ITGB8: variants seen among roughly 807,000 people sequenced by gnomAD.
ITGB8 encodes integrin beta-8.
Under a neutral mutation model 89.5 loss-of-function variants are expected in ITGB8, and 30 were observed. That is an observed-to-expected ratio of 0.34 (90% CI 0.25 to 0.45). The LOEUF (loss-of-function observed/expected upper bound fraction) is 0.45. Ranked by LOEUF, ITGB8 falls within the 20% of genes least tolerant of loss-of-function variation. ITGB8 has a pLI of 1.00. For missense variants in ITGB8, 836 were observed against 933.3 expected, an observed-to-expected ratio of 0.90 and a Z score of 1.36; for synonymous variants, 335 against 320.4, an observed-to-expected ratio of 1.05 and a Z score of -0.49.
In ITGB8 at chr7:20,331,938, GTTGTT is replaced by G. The variant is rs577437870; in HGVS notation, c.127+23_127+27del. On this transcript the variant is annotated splice_donor_region_variant and intron_variant, in intron 1 of 13. Coordinates refer to ENST00000222573, the MANE Select transcript of ITGB8 (RefSeq NM_002214.3). The stretch of plus-strand genomic sequence containing the variant: ...TTCTTGGACTGGGCCAAGGTGGTAA[GTTGTT>G]TTGTTTTGTTTTGTTTTCTTCTCTT... 37 of 1,613,896 alleles carry G rather than the reference GTTGTT, an allele frequency of 2.3e-5. No individual in the cohort carries two copies. The highest frequency in any genetic ancestry group is 8.8e-5 in the South Asian group (8 of 91,068).
chr7:20,396,754 T>A (rs2127978139), intron 8 of ITGB8, among the ~76,000 whole-genome samples: 1 of 152,274 alleles, frequency 6.6e-6, no homozygotes, highest in South Asian at 2.1e-4. Flanking sequence ...CATTTATTAC[T>A]CCAAAAAAAG....
intron 8 of ITGB8, among the ~76,000 whole-genome samples, chr7:20,396,116 A>T (rs1049355249): frequency 2.6e-5 from 4 of 152,158 alleles, no homozygotes; most frequent in Admixed American, 1.3e-4. Flanking sequence ...CACAAAAGAG[A>T]AAGGCAGGAA....
intron 8 of ITGB8, among the ~76,000 whole-genome samples, chr7:20,396,630 GAA>G (rs572108523): frequency 2.4e-4 from 37 of 152,272 alleles, no homozygotes; most frequent in South Asian, 1.2e-3. Context: ...ACTTATCACA[GAA>G]AATCAAATGT....
chr7:20,408,223 T>C (rs1787623281), intron 12 of ITGB8, among the ~76,000 whole-genome samples: 2 of 152,152 alleles, frequency 1.3e-5, no homozygotes, highest in Non-Finnish European at 2.9e-5. Flanking sequence ...GAAGTCACTG[T>C]GGAGGCCTCA....
At chr7:20,369,405 A>G (rs1321746819) in intron 3 of ITGB8, among the ~76,000 whole-genome samples, 1 of 152,130 alleles carries the variant, frequency 6.6e-6, no homozygotes, top group Non-Finnish European at 1.5e-5. Context: ...CTGGCTTGCT[A>G]CGTCCACACA....
At chr7:20,334,283 C>G (rs1784505933) in intron 1 of ITGB8, among the ~76,000 whole-genome samples, 1 of 151,938 alleles carries the variant, frequency 6.6e-6, no homozygotes, top group Non-Finnish European at 1.5e-5. Context: ...AATAAATAAC[C>G]AGAAAAACAT....
At chr7:20,391,287 A>T in intron 6 of ITGB8, 116 bp from the exon 7 acceptor site, 1 of 467,728 alleles carries the variant, frequency 2.1e-6, no homozygotes, top group Admixed American at 3.9e-5. Flanking sequence ...CAGTAAAACC[A>T]TAGTCCTTCC....
At position 20,404,807 on chromosome 7, in the gene ITGB8, T is replaced by C. The variant is rs1787467216; in HGVS notation, c.1867T>C (p.Phe623Leu). Residue 623 changes from phenylalanine to leucine, a missense_variant, in exon 11 of 14, where the codon TTC becomes CTC. Around this residue, in one of 5 missense-constraint regions of ITGB8, gnomAD observed 422 missense variants for 416.9 expected, o/e 1.01. Transcript: ENST00000222573. ...ECTDPRSIGR[F>L]CEHCPTCYTA... ...CACCGATCCCAGGAGCATCGGCCGC[T>C]TCTGTGAACACTGCCCCACCTGTTA... 2.5e-6 allele frequency: 4 copies of C among 1,614,198 alleles called. No individual in the cohort carries two copies. In the East Asian group the frequency reaches 8.9e-5, roughly 36 times the overall value.
At chr7:20,388,029 CT>C (rs1786699312) in intron 6 of ITGB8, among the ~76,000 whole-genome samples, 1 of 152,120 alleles carries the variant, frequency 6.6e-6, no homozygotes, top group African/African-American at 2.4e-5. Context: ...ATGGATCTCA[CT>C]TGTATAAAGA....
intron 10 of ITGB8, among the ~76,000 whole-genome samples, chr7:20,402,443 A>G (rs1013741682): frequency 3.3e-5 from 5 of 152,238 alleles, no homozygotes; most frequent in Admixed American, 2.6e-4. Flanking sequence ...CACATTTTCC[A>G]GAAGAATCAG....
intron 8 of ITGB8, among the ~76,000 whole-genome samples, chr7:20,396,710 G>A (rs1365616850): frequency 1.3e-5 from 2 of 152,168 alleles, no homozygotes; most frequent in Non-Finnish European, 2.9e-5. Context: ...AGCTTATGCT[G>A]TAAGAAACCA....
intron 1 of ITGB8, among the ~76,000 whole-genome samples, chr7:20,340,960 G>T (rs1000802546): frequency 6.6e-6 from 1 of 152,198 alleles, no homozygotes; most frequent in African/African-American, 2.4e-5. Context: ...CTGGAGAGGT[G>T]CAAAGAGGCC....
intron 3 of ITGB8, among the ~76,000 whole-genome samples, chr7:20,375,300 T>C (rs1487672293): frequency 2.0e-5 from 3 of 152,114 alleles, no homozygotes; most frequent in Non-Finnish European, 2.9e-5. Flanking sequence ...GTGGTAAGAA[T>C]TGATTGTTTA....
intron 6 of ITGB8, among the ~76,000 whole-genome samples, chr7:20,390,927 C>A (rs1786828893): frequency 6.6e-6 from 1 of 151,678 alleles, no homozygotes. Context: ...TGTTATATAT[C>A]AAATGTGTAT....
chr7:20,372,292 A>T (rs1377572410), intron 3 of ITGB8, among the ~76,000 whole-genome samples: 1 of 152,162 alleles, frequency 6.6e-6, no homozygotes, highest in African/African-American at 2.4e-5. Flanking sequence ...TCCTTCTGAG[A>T]CTATAAATGA....
chr7:20,352,812 C>G (rs138984064), intron 1 of ITGB8: 1 of 152,190 alleles, frequency 6.6e-6, no homozygotes, highest in Non-Finnish European at 1.5e-5. Flanking sequence ...TCAGTTTACA[C>G]GTCTTGCACC....
chr7:20,394,351 G>T (rs1204856323), intron 7 of ITGB8, among the ~76,000 whole-genome samples: 1 of 152,160 alleles, frequency 6.6e-6, no homozygotes, highest in Non-Finnish European at 1.5e-5. Context: ...ATAATAAGCA[G>T]CATGCATCAA....
At chr7:20,347,396 A>G (rs1784963653) in intron 1 of ITGB8, among the ~76,000 whole-genome samples, 1 of 152,186 alleles carries the variant, frequency 6.6e-6, no homozygotes, top group African/African-American at 2.4e-5. Flanking sequence ...TGTTTGTAAG[A>G]GATTCTGAGA....
At chr7:20,361,088 A>G (rs1252732073) in intron 1 of ITGB8, among the ~76,000 whole-genome samples, 1 of 151,260 alleles carries the variant, frequency 6.6e-6, no homozygotes, top group East Asian at 1.9e-4. Context: ...TTTGATTTGC[A>G]TTTCTCTAAT....
Sources: gnomAD v4.1 joint callset for allele counts (sites outside exome capture counted in the v4.1 genomes callset) on GRCh38, gnomAD v4.1.1 for gene constraint, gnomAD v4.1.1 regional missense constraint, MANE v1.5 for transcripts, NCBI Gene and HGNC (gene_info 2026-07-23, HGNC 2026-07-21) for gene names.